CD55: variants seen among roughly 807,000 people sequenced by gnomAD.
CD55 encodes the protein complement decay-accelerating factor.
A neutral mutation model predicts 45.8 loss-of-function variants in CD55; 41 were observed. That is an observed-to-expected ratio of 0.90 (90% CI 0.70 to 1.16). CD55 has a LOEUF of 1.16. Ranked by LOEUF, CD55 falls within the 50% of genes most tolerant of loss-of-function variation. The pLI, the probability that CD55 is intolerant of heterozygous loss-of-function variation, is 0.00. For missense variants in CD55, 416 were observed against 469.8 expected (o/e 0.89, Z 1.06); for synonymous variants, 181 against 181.1 (o/e 1.00, Z 0.01).
At chr1:207,337,137 C>T in intron 7 of CD55, 192 bp from the exon 8 acceptor site, 1 of 607,968 alleles carries the variant, frequency 1.6e-6, no homozygotes, top group Non-Finnish European at 2.9e-6. Context: ...ACAAAGACCC[C>T]TTCTGCAGCT....
rs374967395 is a variant in CD55, at chr1:207,325,604, A to G, written c.479-18A>G. ...CTGATAATTTAATTTTAAAAAATCA[A>G]TTTGTATTCTATTCTAGAGAAATCA... On this transcript the variant is annotated intron_variant, in intron 3 of 9. Coordinates refer to ENST00000367064, the MANE Select transcript of CD55 (RefSeq NM_000574.5). 2.5e-4 allele frequency: 377 copies of G among 1,513,752 alleles called. 2 individuals are homozygous for G. In the South Asian group the frequency reaches 3.3e-3, roughly 13 times the overall value. 93.8% of individuals were successfully genotyped at this position (1,513,752 alleles called of 1,614,324 possible).
chr1:207,322,702 TCA>T, intron 2 of CD55, 135 bp downstream of exon 2: 1 of 695,140 alleles, frequency 1.4e-6, no homozygotes, highest in Non-Finnish European at 2.3e-6. Context: ...TGTTGGCACG[TCA>T]CACTCCAGCT....
At chr1:207,322,723 A>T (rs1435299939) in intron 2 of CD55, among the ~76,000 whole-genome samples, 156 bp downstream of exon 2, 3 of 152,228 alleles carry the variant, frequency 2.0e-5, no homozygotes, top group Admixed American at 6.5e-5. Flanking sequence ...CTAATTGAAG[A>T]CATTTACCAC....
In CD55 at chr1:207,337,320, A is replaced by G. The variant is rs774684822; in HGVS notation, c.980-9A>G. 15 of 1,568,654 alleles carry G rather than the reference A, an allele frequency of 9.6e-6. No individual in the cohort carries two copies. The highest frequency in any genetic ancestry group is 4.1e-5 in the African/African-American group (3 of 73,934). The stretch of plus-strand genomic sequence containing the variant: ...AGTACACAAAGATTCCCTTCTGCTC[A>G]TATTACAGCAACACGGAGTACACCT... On this transcript the variant is annotated splice_polypyrimidine_tract_variant and intron_variant, in intron 7 of 9. Transcript: ENST00000367064.
chr1:207,322,323 A>G, intron 1 of CD55, 59 bp from the exon 2 acceptor site: 1 of 1,436,352 alleles, frequency 7.0e-7, no homozygotes, highest in Non-Finnish European at 9.8e-7. Flanking sequence ...TGTCTTGAAA[A>G]CAGCAACTGT....
At chr1:207,330,826 T>C (rs958655480) in intron 5 of CD55, among the ~76,000 whole-genome samples, 17 of 152,188 alleles carry the variant, frequency 1.1e-4, no homozygotes, top group African/African-American at 3.6e-4. Flanking sequence ...TATGCACACA[T>C]CTTACTATAA....
chr1:207,354,774 C>T (rs761431013), intron 9 of CD55, among the ~76,000 whole-genome samples: 2 of 152,078 alleles, frequency 1.3e-5, no homozygotes, highest in South Asian at 2.1e-4. Flanking sequence ...TGAGAAGATA[C>T]GTAGAATTTT....
In CD55 at chr1:207,322,545, A is replaced by G. The variant is rs750927655; in HGVS notation, c.264A>G (p.Ser88=). The change falls in exon 2 of 10, where the codon TCA becomes TCG. Residue 88 remains serine, a synonymous_variant. Coordinates refer to ENST00000367064, the MANE Select transcript of CD55 (RefSeq NM_000574.5). Reference sequence around the variant, plus strand: ...TCTGCCTTAAGGGCAGTCAATGGTCAGATATTGAAGAGTTCTGCAATCGTA... The same window carrying G: ...TCTGCCTTAAGGGCAGTCAATGGTCGGATATTGAAGAGTTCTGCAATCGTA... The part of the protein sequence containing the change: ...SVICLKGSQW[S]DIEEFCNRSC... 2 of 1,612,038 alleles carry G rather than the reference A, an allele frequency of 1.2e-6. No individual in the cohort carries two copies. The highest frequency in any genetic ancestry group is 2.7e-5 in the African/African-American group (2 of 74,798).
chr1:207,334,208 C>T (rs1655071384), intron 6 of CD55, among the ~76,000 whole-genome samples: 2 of 152,050 alleles, frequency 1.3e-5, no homozygotes, highest in South Asian at 2.1e-4. Flanking sequence ...AAAAATGATG[C>T]AAACCAAAAG....
At chr1:207,354,121 T>G in intron 9 of CD55, 1 of 1,517,176 alleles carries the variant, frequency 6.6e-7, no homozygotes, top group South Asian at 1.2e-5. Context: ...GAATTCTAAG[T>G]TGGGTTCTTT....
chr1:207,335,470 A>G (rs1158563434), intron 6 of CD55, among the ~76,000 whole-genome samples: 2 of 152,224 alleles, frequency 1.3e-5, no homozygotes. Flanking sequence ...GATAACTAAA[A>G]AATTAACTTC....
Position 207,356,191 on chromosome 1 carries a change from T to C in CD55, c.1082-3355T>C, listed in dbSNP as rs1546430. On this transcript the variant is annotated intron_variant, in intron 9 of 9. Coordinates refer to ENST00000367064, the MANE Select transcript of CD55 (RefSeq NM_000574.5). The stretch of plus-strand genomic sequence containing the variant: ...TAATTGGTACCCTAATTCTAGTCAT[T>C]GGACTATGGAAAATCAGAGTGAGCA... Among the ~76,000 whole-genome samples the C allele has an allele frequency of 7.7e-3, 1,170 of 152,314 alleles. 7 individuals carry two copies. Among genetic ancestry groups the C allele is most frequent in the South Asian group, 0.012 (57 of 4,832 alleles).
At chr1:207,355,006 A>T (rs1010058336) in intron 9 of CD55, among the ~76,000 whole-genome samples, 2 of 152,232 alleles carry the variant, frequency 1.3e-5, no homozygotes, top group Non-Finnish European at 2.9e-5. Context: ...TGGTGACAGA[A>T]AGGGGGAAAC....
intron 6 of CD55, 105 bp downstream of exon 6, chr1:207,331,401 T>C: frequency 1.1e-6 from 1 of 911,464 alleles, no homozygotes; most frequent in Non-Finnish European, 1.7e-6. Flanking sequence ...GTAAAATGTT[T>C]ACATATACAT....
intron 9 of CD55, among the ~76,000 whole-genome samples, chr1:207,349,278 G>A (rs1191114831): frequency 6.6e-6 from 1 of 151,772 alleles, no homozygotes; most frequent in Non-Finnish European, 1.5e-5. Flanking sequence ...CGTCTCCTGG[G>A]TTCAAGTGAT....
At chr1:207,346,048 G>A (rs1298455040) in intron 9 of CD55, among the ~76,000 whole-genome samples, 1 of 152,246 alleles carries the variant, frequency 6.6e-6, no homozygotes, top group Non-Finnish European at 1.5e-5. Context: ...GGGTCTCCAG[G>A]TGGCTCACTT....
chr1:207,332,527 T>C (rs993074747), intron 6 of CD55, among the ~76,000 whole-genome samples: 1 of 152,242 alleles, frequency 6.6e-6, no homozygotes, highest in Non-Finnish European at 1.5e-5. Context: ...GCACCTTTAA[T>C]GATAATGATT....
chr1:207,322,050 G>A (rs975631458), intron 1 of CD55, among the ~76,000 whole-genome samples, 185 bp downstream of exon 1: 1 of 152,178 alleles, frequency 6.6e-6, no homozygotes, highest in African/African-American at 2.4e-5. Context: ...CTGCTGTGTC[G>A]GCCCCCAGCT....
intron 9 of CD55, among the ~76,000 whole-genome samples, chr1:207,341,002 T>G (rs927206834): frequency 3.3e-5 from 5 of 152,218 alleles, no homozygotes; most frequent in African/African-American, 1.2e-4. Flanking sequence ...GGTTAAGAAC[T>G]GATAGCTCAT....
Sources: gnomAD v4.1 joint callset for allele counts (sites outside exome capture counted in the v4.1 genomes callset) on GRCh38, gnomAD v4.1.1 for gene constraint, MANE v1.5 for transcripts, NCBI Gene and HGNC (gene_info 2026-07-23, HGNC 2026-07-21) for gene names.